Variants in NARF observed in about 807,000 individuals in gnomAD.
NARF encodes the protein nuclear prelamin A recognition factor.
In NARF, 41 loss-of-function variants were observed where a neutral mutation model predicts 48.0. The ratio of observed to expected loss-of-function variants is 0.85; its 90% CI spans 0.66 to 1.11. The LOEUF (loss-of-function observed/expected upper bound fraction) is 1.11, where lower values mean the gene tolerates loss of function less well. Ranked by LOEUF, NARF falls within the 50% of genes least tolerant of loss-of-function variation. NARF has a pLI of 0.00. For synonymous variants in NARF, 215 were observed against 225.5 expected (o/e 0.95, Z 0.42); for missense variants, 613 against 590.2 (o/e 1.04, Z -0.40).
chr17:82,463,921 C>T, intron 2 of NARF: 1 of 186,354 alleles, frequency 5.4e-6, no homozygotes, highest in Non-Finnish European at 1.1e-5. Flanking sequence ...AGTCAGAGGG[C>T]TGGATCACAG....
In NARF at chr17:82,458,773, G is replaced by T; in HGVS notation, c.-31G>T. The stretch of plus-strand genomic sequence containing the variant: ...TCTCCCGGTGCTTCCCTGAGGCTGA[G>T]GCGCCCGGCCTCCCGCCCGCCGCGC... On this transcript the variant is annotated 5_prime_UTR_variant, in exon 1 of 11. It adds an upstream start codon to the 5' untranslated region. Coordinates refer to ENST00000309794, the MANE Select transcript of NARF (RefSeq NM_012336.4). 6.8e-7 allele frequency: 1 copy of T among 1,467,920 alleles called. No homozygotes were observed. Among genetic ancestry groups the T allele is most frequent in the Non-Finnish European group, 9.0e-7 (1 of 1,115,882 alleles). The allele number at this position is 1,467,920 out of a possible 1,614,324, so 90.9% of individuals were successfully genotyped here.
At chr17:82,485,435 A>AG in intron 9 of NARF, 62 bp from the exon 10 acceptor site, 2 of 1,548,208 alleles carry the variant, frequency 1.3e-6, no homozygotes, top group South Asian at 2.4e-5. Flanking sequence ...AAAAAAAGGA[A>AG]GTGTTCTTAA....
Position 82,490,502 on chromosome 17 carries a change from C to T in NARF, c.*2345C>T, listed in dbSNP as rs955937856. On this transcript the variant is annotated 3_prime_UTR_variant, in exon 11 of 11. Coordinates refer to ENST00000309794, the MANE Select transcript of NARF (RefSeq NM_012336.4). ...TTTCAGTCTATATACAGTTGGGTTTCCAACCTCTGATTCTGGAATAAACAG... is the reference window on the plus strand; with the variant it reads ...TTTCAGTCTATATACAGTTGGGTTTTCAACCTCTGATTCTGGAATAAACAG... 2 of 152,244 alleles carry T rather than the reference C, an allele frequency of 1.3e-5. No homozygotes were observed. The highest frequency in any genetic ancestry group is 4.8e-5 in the African/African-American group (2 of 41,452). The allele number at this position is 152,244 out of a possible 1,614,324, so 9.4% of individuals were successfully genotyped here. A position where few individuals can be genotyped will look rare whatever the true frequency, so the allele number is the denominator to read the frequency against.
intron 6 of NARF, chr17:82,480,853 A>G (rs1555629669): frequency 5.5e-6 from 3 of 544,888 alleles, no homozygotes; most frequent in Non-Finnish European, 9.6e-6. Flanking sequence ...AATCGCTTGA[A>G]CCCGGGAGGC....
intron 7 of NARF, chr17:82,483,021 T>A (rs2044008498): frequency 6.6e-6 from 1 of 150,968 alleles, no homozygotes; most frequent in South Asian, 2.1e-4. Flanking sequence ...CGACCTTGTT[T>A]CTTAAAAAAA....
At chr17:82,458,730 C>G (rs1173788801), upstream of NARF, 3 of 1,442,168 alleles carry the variant, frequency 2.1e-6, no homozygotes, top group South Asian at 4.3e-5. Flanking sequence ...CCGCGGGCGG[C>G]GGGCAGTGGT....
intron 1 of NARF, chr17:82,459,051 C>T (rs1441073558): frequency 4.2e-6 from 5 of 1,204,672 alleles, no homozygotes; most frequent in African/African-American, 1.6e-5. Flanking sequence ...CTGAACTTGT[C>T]CATCTTTCCC....
intron 7 of NARF, chr17:82,482,238 G>T: frequency 2.3e-6 from 1 of 431,500 alleles, no homozygotes. Flanking sequence ...TCCCTCACAG[G>T]CCCCTGACTT....
Position 82,487,259 on chromosome 17 carries a change from G to A in NARF, c.1130-657G>A, listed in dbSNP as rs546948522. On this transcript the variant is annotated intron_variant, in intron 10 of 10. Transcript: ENST00000309794. ...AGCACTTTGGGAGGCCGAGGTGGTC[G>A]GATTACCTGAGGTCAGGAGTTTGAG... 4.6e-5 allele frequency among the ~76,000 whole-genome samples: 7 copies of A among 151,206 alleles called. No homozygotes were observed. In the South Asian group the frequency reaches 6.3e-4, roughly 14 times the overall value.
chr17:82,468,201 C>T (rs2043615513), intron 3 of NARF, among the ~76,000 whole-genome samples: 1 of 151,950 alleles, frequency 6.6e-6, no homozygotes, highest in Non-Finnish European at 1.5e-5. Context: ...ATCCCAGCTA[C>T]TTGGGAGGCT....
intron 5 of NARF, among the ~76,000 whole-genome samples, chr17:82,474,256 G>A (rs1332814168): frequency 2.0e-5 from 3 of 152,046 alleles, no homozygotes; most frequent in Non-Finnish European, 4.4e-5. Context: ...TATGGCAAAC[G>A]TGCATGTATC....
chr17:82,474,401 G>A (rs576627504), intron 5 of NARF, among the ~76,000 whole-genome samples: 1 of 152,074 alleles, frequency 6.6e-6, no homozygotes, highest in Non-Finnish European at 1.5e-5. Flanking sequence ...TTTGTCACAT[G>A]CTTTTCAATT....
At chr17:82,464,653 G>A (rs991966628) in intron 3 of NARF, among the ~76,000 whole-genome samples, 2 of 152,198 alleles carry the variant, frequency 1.3e-5, no homozygotes, top group Admixed American at 1.3e-4. Context: ...CAGTGGTGGG[G>A]GGCTGGCATC....
In NARF at chr17:82,464,310, T is replaced by C; in HGVS notation, c.132T>C (p.Ala44=). 6.2e-7 allele frequency: 1 copy of C among 1,613,800 alleles called. No individual in the cohort carries two copies. The highest frequency in any genetic ancestry group is 1.1e-5 in the South Asian group (1 of 91,022). Residue 44 remains alanine, a synonymous_variant, in exon 3 of 11, where the codon GCT becomes GCC. Transcript: ENST00000309794. ...AGAAGGGAGAATTCCACAAGTTGGC[T>C]GATGCCAAGATATTTTTGAGCGACT... ...NGEKGEFHKL[A]DAKIFLSDCL...
chr17:82,487,131 G>A (rs2044112878), intron 10 of NARF, among the ~76,000 whole-genome samples: 1 of 152,208 alleles, frequency 6.6e-6, no homozygotes, highest in African/African-American at 2.4e-5. Context: ...GTTCTAAAAG[G>A]TTGGCAACTT....
At chr17:82,477,936 T>C (rs117459492) in intron 5 of NARF, 4,547 of 152,390 alleles carry the variant, frequency 0.03, 94 homozygotes, top group Admixed American at 0.062. Context: ...CTGTGGGACA[T>C]GAGCTGCCTC....
intron 2 of NARF, 159 bp downstream of exon 2, chr17:82,460,231 G>C (rs982632526): frequency 5.4e-6 from 3 of 558,162 alleles, no homozygotes; most frequent in South Asian, 2.2e-5. Context: ...TTGGGAGGCC[G>C]AGGTGGACGG....
intron 5 of NARF, among the ~76,000 whole-genome samples, chr17:82,473,497 T>G (rs1016444641): frequency 6.6e-6 from 1 of 151,598 alleles, no homozygotes; most frequent in Non-Finnish European, 1.5e-5. Context: ...TACAGGCGCC[T>G]GCCACCACAC....
Position 82,485,480 on chromosome 17 carries a change from C to A in NARF, c.972-17C>A. On this transcript the variant is annotated splice_polypyrimidine_tract_variant and intron_variant, in intron 9 of 10. Coordinates refer to ENST00000309794, the MANE Select transcript of NARF (RefSeq NM_012336.4). ...AAAGGACTTGATGGATCAAAATTCTCTGTGTTCATTTTGTAGAAACAAAGA... is the reference window on the plus strand; with the variant it reads ...AAAGGACTTGATGGATCAAAATTCTATGTGTTCATTTTGTAGAAACAAAGA... The A allele has an allele frequency of 6.2e-7, 1 of 1,612,586 alleles. No homozygotes were observed. Among genetic ancestry groups the A allele is most frequent in the African/African-American group, 1.3e-5 (1 of 74,964 alleles).
Sources: allele counts gnomAD v4.1 joint callset (sites outside exome capture counted in the v4.1 genomes callset), GRCh38; gene constraint gnomAD v4.1.1; transcripts MANE v1.5; gene names NCBI Gene and HGNC (gene_info 2026-07-23, HGNC 2026-07-21).